The following VAPA variants were observed in gnomAD, a reference collection of about 807,000 sequenced individuals.
The protein encoded by VAPA is VAMP associated protein A.
Under a neutral mutation model 25.6 loss-of-function variants are expected in VAPA, and 6 were observed. The ratio of observed to expected loss-of-function variants is 0.23; its 90% CI spans 0.13 to 0.46. VAPA has a LOEUF of 0.46. Among genes scored for constraint, VAPA ranks in the 20% least tolerant of loss-of-function variants. The pLI is 0.99. For synonymous variants in VAPA, 112 were observed against 106.2 expected (o/e 1.05, Z -0.34); for missense variants, 244 against 302.1 (o/e 0.81, Z 1.43).
chr18:9,947,084 C>T (rs1187622597), intron 4 of VAPA, among the ~76,000 whole-genome samples: 1 of 152,202 alleles, frequency 6.6e-6, no homozygotes, highest in East Asian at 1.9e-4. Context: ...GACAGTAACA[C>T]TCATGGAGCT....
chr18:9,936,087 T>C (rs1400728649), intron 2 of VAPA, 23 bp from the exon 3 acceptor site: 2 of 1,522,974 alleles, frequency 1.3e-6, no homozygotes, highest in East Asian at 2.3e-5. Context: ...GACAATATAA[T>C]ATATCCTTTT....
Position 9,958,688 on chromosome 18 carries a change from G to C in VAPA, c.*4477G>C, listed in dbSNP as rs1004217453. Reference sequence around the variant, plus strand: ...TATGAAGTAGATTTAATTAAGACTTGACTTCAGCAATACAGGGGAACTTAA... The same window carrying C: ...TATGAAGTAGATTTAATTAAGACTTCACTTCAGCAATACAGGGGAACTTAA... On this transcript the variant is annotated 3_prime_UTR_variant, in exon 6 of 6. Transcript: ENST00000400000. 2.6e-5 allele frequency: 4 copies of C among 152,080 alleles called. No individual in the cohort carries two copies. In the South Asian group the frequency reaches 6.2e-4, roughly 24 times the overall value. The allele number at this position is 152,080 out of a possible 1,614,324, so 9.4% of individuals were successfully genotyped here. A position where few individuals can be genotyped will look rare whatever the true frequency, so the allele number is the denominator to read the frequency against.
intron 1 of VAPA, 77 bp downstream of exon 1, chr18:9,914,412 A>C: frequency 7.4e-7 from 1 of 1,353,232 alleles, no homozygotes; most frequent in Non-Finnish European, 9.9e-7. Flanking sequence ...CGCGGAGGGC[A>C]CGTCCGCGGC....
At chr18:9,934,254 A>G (rs1231927902) in intron 2 of VAPA, among the ~76,000 whole-genome samples, 2 of 151,814 alleles carry the variant, frequency 1.3e-5, no homozygotes, top group African/African-American at 4.8e-5. Context: ...AATTTGCTTC[A>G]ATTTGTGCAC....
chr18:9,922,923 T>A (rs1292780276), intron 1 of VAPA, among the ~76,000 whole-genome samples: 1 of 152,224 alleles, frequency 6.6e-6, no homozygotes, highest in African/African-American at 2.4e-5. Context: ...TTTGATATTT[T>A]CTGAAGCCAT....
rs1164489904 is a variant in VAPA at position 9,954,277 on chromosome 18, C to T, written c.*66C>T. ...CTTGACCAGAAAAAGATTTGTTTAC[C>T]TACCATTTCATTGGTAGTATGGCCC... is the stretch of plus-strand genomic sequence containing the variant. On this transcript the variant is annotated 3_prime_UTR_variant, in exon 6 of 6. Coordinates refer to ENST00000400000, the MANE Select transcript of VAPA (RefSeq NM_194434.3). 1 of 1,455,602 alleles carries T rather than the reference C, an allele frequency of 6.9e-7. No individual in the cohort carries two copies. Among genetic ancestry groups the T allele is most frequent in the African/African-American group, 1.4e-5 (1 of 69,930 alleles). 90.2% of individuals were successfully genotyped at this position (1,455,602 alleles called of 1,614,324 possible).
chr18:9,925,315 G>A lies in VAPA; in HGVS notation c.80-6495G>A, dbSNP rs567192715. On this transcript the variant is annotated intron_variant, in intron 1 of 5. Transcript: ENST00000400000. ...ATGATTGTATAATATGGACAGTGAG[G>A]CAATTTCAGTAATTAAAGCCCTTAG... Among the ~76,000 whole-genome samples the A allele has an allele frequency of 2.0e-5, 3 of 152,140 alleles. No homozygotes were observed. In the South Asian group the frequency reaches 6.2e-4, roughly 32 times the overall value.
At chr18:9,943,640 G>A (rs2069388150) in intron 4 of VAPA, among the ~76,000 whole-genome samples, 1 of 152,118 alleles carries the variant, frequency 6.6e-6, no homozygotes, top group African/African-American at 2.4e-5. Flanking sequence ...CTGTATATAC[G>A]TAATGTCCAA....
In VAPA at chr18:9,958,519, A is replaced by G. The variant is rs1161246711; in HGVS notation, c.*4308A>G. The G allele has an allele frequency of 6.6e-6, 1 of 152,096 alleles. No homozygotes were observed. Among genetic ancestry groups the G allele is most frequent in the Non-Finnish European group, 1.5e-5 (1 of 68,020 alleles). 9.4% of individuals were successfully genotyped at this position (152,096 alleles called of 1,614,324 possible). On this transcript the variant is annotated 3_prime_UTR_variant, in exon 6 of 6. Transcript: ENST00000400000. Reference sequence around the variant, plus strand: ...TAACTCATGATGAGCTTAGGAACATAAAAGATAATTGTTGCTTGAATAGCA... The same window carrying G: ...TAACTCATGATGAGCTTAGGAACATGAAAGATAATTGTTGCTTGAATAGCA...
At position 9,959,350 on chromosome 18, in the gene VAPA, A is replaced by C. The variant is rs1055927594; in HGVS notation, c.*5139A>C. 5.9e-5 allele frequency: 9 copies of C among 152,102 alleles called. No individual in the cohort carries two copies. Among genetic ancestry groups the C allele is most frequent in the Admixed American group, 2.0e-4 (3 of 15,268 alleles). The allele number at this position is 152,102 out of a possible 1,614,324, so 9.4% of individuals were successfully genotyped here. A position where few individuals can be genotyped will look rare whatever the true frequency, so the allele number is the denominator to read the frequency against. On this transcript the variant is annotated 3_prime_UTR_variant, in exon 6 of 6. Coordinates refer to ENST00000400000, the MANE Select transcript of VAPA (RefSeq NM_194434.3). The stretch of plus-strand genomic sequence containing the variant: ...TTTTTGAAGACTGCTTTCCCCCTTT[A>C]TCTCCCAGAAAATTGAGAAGAAGTA...
intron 4 of VAPA, chr18:9,944,786 T>A: frequency 9.2e-7 from 1 of 1,086,424 alleles, no homozygotes; most frequent in Non-Finnish European, 1.3e-6. Context: ...ATTAGTATTG[T>A]TTCTTATGCA....
chr18:9,937,162 T>C, intron 4 of VAPA, 96 bp downstream of exon 4: 2 of 912,098 alleles, frequency 2.2e-6, no homozygotes, highest in Non-Finnish European at 3.4e-6. Context: ...GTATGTGTGA[T>C]ATGGCTATTA....
intron 2 of VAPA, among the ~76,000 whole-genome samples, chr18:9,934,171 T>A (rs932930043): frequency 6.6e-6 from 1 of 152,236 alleles, no homozygotes. Context: ...TCCAACAACC[T>A]TCTCTGGTTA....
intron 3 of VAPA, 123 bp downstream of exon 3, chr18:9,936,336 C>A: frequency 3.8e-6 from 2 of 525,248 alleles, no homozygotes; most frequent in South Asian, 4.3e-5. Flanking sequence ...TAAAAAACTG[C>A]CAATTTCTTC....
At position 9,954,317 on chromosome 18, in the gene VAPA, T is replaced by A; in HGVS notation, c.*106T>A. Reference sequence around the variant, plus strand: ...TAGTATGGCCCACGGTGACCATTTTTTTGTGTGTACAGCGTCATATAGGCT... The same window carrying A: ...TAGTATGGCCCACGGTGACCATTTTATTGTGTGTACAGCGTCATATAGGCT... On this transcript the variant is annotated 3_prime_UTR_variant, in exon 6 of 6. Coordinates refer to ENST00000400000, the MANE Select transcript of VAPA (RefSeq NM_194434.3). 1 of 1,003,826 alleles carries A rather than the reference T, an allele frequency of 1.0e-6. No homozygotes were observed. The highest frequency in any genetic ancestry group is 1.5e-6 in the Non-Finnish European group (1 of 676,880). The allele number at this position is 1,003,826 out of a possible 1,614,324, so 62.2% of individuals were successfully genotyped here.
intron 2 of VAPA, among the ~76,000 whole-genome samples, chr18:9,932,985 G>A (rs553837419): frequency 2.0e-5 from 3 of 152,074 alleles, no homozygotes; most frequent in African/African-American, 7.2e-5. Context: ...GTGGGCGCCT[G>A]TAGTCCCAGC....
intron 1 of VAPA, among the ~76,000 whole-genome samples, chr18:9,927,329 G>A (rs1321261841): frequency 6.6e-6 from 1 of 151,972 alleles, no homozygotes; most frequent in African/African-American, 2.4e-5. Context: ...AAAATGTTGG[G>A]GGAAAAGCTA....
chr18:9,951,833 T>TG (rs1294728747), intron 5 of VAPA, among the ~76,000 whole-genome samples: 1 of 152,260 alleles, frequency 6.6e-6, no homozygotes, highest in African/African-American at 2.4e-5. Flanking sequence ...TTTGCTGAAA[T>TG]GCTTTTTAAA....
chr18:9,920,237 TA>T (rs1472096807), intron 1 of VAPA, among the ~76,000 whole-genome samples: 1 of 152,222 alleles, frequency 6.6e-6, no homozygotes, highest in African/African-American at 2.4e-5. Context: ...GGGCTTTGGA[TA>T]ATTTCCTTAC....
Sources: allele counts gnomAD v4.1 joint callset (sites outside exome capture counted in the v4.1 genomes callset), GRCh38; gene constraint gnomAD v4.1.1; transcripts MANE v1.5; gene names NCBI Gene and HGNC (gene_info 2026-07-23, HGNC 2026-07-21).